The following PREX1 variants were observed in gnomAD, a reference collection of about 807,000 sequenced individuals.
The protein encoded by PREX1 is phosphatidylinositol 3,4,5-trisphosphate-dependent Rac exchanger 1 protein.
Under a neutral mutation model 198.3 loss-of-function variants are expected in PREX1, and 41 were observed. That is an observed-to-expected ratio of 0.21 (90% confidence interval 0.16 to 0.27). PREX1 has a LOEUF of 0.27. Ranked by LOEUF, PREX1 falls within the 10% of genes least tolerant of loss-of-function variation. The pLI, the probability that PREX1 is intolerant of heterozygous loss-of-function variation, is 1.00. For missense variants in PREX1, 1,620 were observed against 2,200.7 expected (o/e 0.74, Z 5.28); for synonymous variants, 843 against 887.2 (o/e 0.95, Z 0.89).
At chr20:48,729,595 T>G (rs1435543164) in intron 4 of PREX1, among the ~76,000 whole-genome samples, 1 of 152,222 alleles carries the variant, frequency 6.6e-6, no homozygotes, top group African/African-American at 2.4e-5. Context: ...ATTCTTCCAG[T>G]TGCTTGGGCC....
chr20:48,673,776 G>A (rs553752702), intron 14 of PREX1, among the ~76,000 whole-genome samples: 4 of 152,322 alleles, frequency 2.6e-5, no homozygotes, highest in Admixed American at 2.6e-4. Flanking sequence ...TATATTGCAT[G>A]TAATCTTGGG....
intron 14 of PREX1, among the ~76,000 whole-genome samples, chr20:48,669,789 G>A (rs1216564704): frequency 6.6e-6 from 1 of 152,182 alleles, no homozygotes; most frequent in East Asian, 1.9e-4. Context: ...AATGTTAGCT[G>A]TTCCTGATTA....
At chr20:48,748,734 CAG>C (rs1159175940) in intron 1 of PREX1, among the ~76,000 whole-genome samples, 7 of 152,166 alleles carry the variant, frequency 4.6e-5, no homozygotes, top group African/African-American at 1.7e-4. Context: ...GCAGGAGTGA[CAG>C]GGGCTGCGGG....
rs149730182 is a variant in PREX1 at position 48,711,010 on chromosome 20, G to A, written c.622-2589C>T. Among the ~76,000 whole-genome samples the A allele has an allele frequency of 6.7e-3, 1,024 of 152,358 alleles. 17 individuals carry two copies. Among genetic ancestry groups the A allele is most frequent in the African/African-American group, 0.023 (970 of 41,576 alleles). Reference sequence around the variant, plus strand: ...CCATGGGGAGGTGATGGGGGTATGAGCAGAGGCCTGACACCACCTTCTCAC... The same window carrying A: ...CCATGGGGAGGTGATGGGGGTATGAACAGAGGCCTGACACCACCTTCTCAC... On this transcript the variant is annotated intron_variant, in intron 5 of 39. Coordinates refer to ENST00000371941, the MANE Select transcript of PREX1 (RefSeq NM_020820.4).
intron 1 of PREX1, among the ~76,000 whole-genome samples, chr20:48,794,881 G>A (rs937135768): frequency 2.0e-5 from 3 of 152,300 alleles, no homozygotes; most frequent in Non-Finnish European, 2.9e-5. Flanking sequence ...GCACAGAAGC[G>A]AGCCACTGCA....
rs1016950677 is a variant in PREX1 at position 48,684,129 on chromosome 20, C to A, written c.1335-2794G>T. Among the ~76,000 whole-genome samples the A allele has an allele frequency of 1.4e-5, 2 of 143,678 alleles. No individual in the cohort carries two copies. Among genetic ancestry groups the A allele is most frequent in the Non-Finnish European group, 3.2e-5 (2 of 62,202 alleles). 94.3% of individuals were successfully genotyped at this position (143,678 alleles called of 152,430 possible). On this transcript the variant is annotated intron_variant, in intron 10 of 39. Transcript: ENST00000371941. The surrounding 1 kb of genome is among the most constrained non-coding windows in gnomAD (Gnocchi z 4.2). ...GATGTGTCAGCTTTCATCCCTCCTT[C>A]CTTCCCGCCTCCTAGAATCATTCAC...
chr20:48,668,889 G>A (rs949111741), intron 14 of PREX1, among the ~76,000 whole-genome samples: 2 of 152,104 alleles, frequency 1.3e-5, no homozygotes, highest in South Asian at 2.1e-4. Flanking sequence ...TGGGAGGCCC[G>A]GCAGGCAGCT....
chr20:48,647,888 C>T (rs1275482583), intron 25 of PREX1, among the ~76,000 whole-genome samples: 1 of 152,152 alleles, frequency 6.6e-6, no homozygotes, highest in East Asian at 1.9e-4. Flanking sequence ...TGATCCCCAT[C>T]ACTTTTTATT....
intron 14 of PREX1, among the ~76,000 whole-genome samples, chr20:48,673,137 G>A (rs12480665): frequency 0.044 from 6,665 of 152,276 alleles, 243 homozygotes; most frequent in South Asian, 0.1. Flanking sequence ...ACTCTGCAGT[G>A]GGGGCTGCCT....
At chr20:48,704,740 G>T (rs1214818954) in intron 6 of PREX1, among the ~76,000 whole-genome samples, 1 of 152,296 alleles carries the variant, frequency 6.6e-6, no homozygotes, top group South Asian at 2.1e-4. Context: ...ATGTTTAATA[G>T]AGAAGGGGTT....
Position 48,727,234 on chromosome 20 carries a change from C to T in PREX1, c.520-843G>A, listed in dbSNP as rs548795456. ...TAGTTCTTTAGCTGGGAGGAGTGTA[C>T]GTGATTCTGTCATATGCATACCTCT... On this transcript the variant is annotated intron_variant, in intron 4 of 39. Coordinates refer to ENST00000371941, the MANE Select transcript of PREX1 (RefSeq NM_020820.4). Among the ~76,000 whole-genome samples the T allele has an allele frequency of 4.5e-4, 69 of 152,128 alleles. 1 individual carries two copies. Among genetic ancestry groups the T allele is most frequent in the African/African-American group, 1.6e-3 (67 of 41,486 alleles).
At position 48,644,505 on chromosome 20, in the gene PREX1, G is replaced by A. The variant is rs748904454; in HGVS notation, c.3513-8C>T. On this transcript the variant is annotated splice_polypyrimidine_tract_variant and splice_region_variant and intron_variant, in intron 26 of 39. Coordinates refer to ENST00000371941, the MANE Select transcript of PREX1 (RefSeq NM_020820.4). Reference sequence around the variant, plus strand: ...CGATTGCTGTTACACTCGCTGCAAAGGGGCCCAGAGAAGGGGCTGAGTCAC... The same window carrying A: ...CGATTGCTGTTACACTCGCTGCAAAAGGGCCCAGAGAAGGGGCTGAGTCAC... The A allele has an allele frequency of 5.0e-6, 8 of 1,612,044 alleles. No individual in the cohort carries two copies. Among genetic ancestry groups the A allele is most frequent in the East Asian group, 4.5e-5 (2 of 44,776 alleles).
rs374324026 is a variant in PREX1 at position 48,651,507 on chromosome 20, G to A, written c.2544C>T (p.Asn848=). The change falls in exon 22 of 40, where the codon AAC becomes AAT. Residue 848 remains asparagine, a synonymous_variant. Transcript: ENST00000371941. ...DSPMVTLTVD[N]VHLEHGVVYE... ...ACACCACGCCGTGTTCCAGGTGCAC[G>A]TTGTCCACAGTCAGGGTGACCATGG... 2.1e-5 allele frequency: 34 copies of A among 1,614,242 alleles called. No individual in the cohort carries two copies. Among genetic ancestry groups the A allele is most frequent in the East Asian group, 1.3e-4 (6 of 44,888 alleles).
the PREX1 span, among the ~76,000 whole-genome samples, chr20:48,855,852 G>C: frequency 2.0e-5 from 3 of 152,218 alleles, no homozygotes; most frequent in Non-Finnish European, 4.4e-5. Flanking sequence ...AGTGAGCCAA[G>C]ATCATACCAC....
intron 33 of PREX1, among the ~76,000 whole-genome samples, chr20:48,633,370 A>G (rs1482927691): frequency 6.6e-6 from 1 of 152,280 alleles, no homozygotes; most frequent in Non-Finnish European, 1.5e-5. Flanking sequence ...ACAGATGCAC[A>G]GATAAACAGA....
rs57506374 is a variant in PREX1 at position 48,746,941 on chromosome 20, A to AACAC, written c.291+864_291+867dup. ...CATAGAGTTTAGATCCCAGTGCATG[A>AACAC]ACACACACACACACACACACACACA... On this transcript the variant is annotated intron_variant, in intron 2 of 39. Coordinates refer to ENST00000371941, the MANE Select transcript of PREX1 (RefSeq NM_020820.4). Among the ~76,000 whole-genome samples, 16 of 117,740 alleles carry AACAC rather than the reference A, an allele frequency of 1.4e-4. No homozygotes were observed. In the East Asian group the frequency reaches 1.4e-3, roughly 10 times the overall value. 77.2% of individuals were successfully genotyped at this position (117,740 alleles called of 152,430 possible). A position where few individuals can be genotyped will look rare whatever the true frequency, so the allele number is the denominator to read the frequency against.
At chr20:48,801,794 T>C (rs2099463239) in intron 1 of PREX1, among the ~76,000 whole-genome samples, 2 of 152,202 alleles carry the variant, frequency 1.3e-5, no homozygotes, top group South Asian at 2.1e-4. Flanking sequence ...TGGGAGGTGT[T>C]TGAGTCATGG....
At chr20:48,705,552 T>C (rs1006778828) in intron 6 of PREX1, among the ~76,000 whole-genome samples, 3 of 152,180 alleles carry the variant, frequency 2.0e-5, no homozygotes, top group Admixed American at 6.5e-5. Flanking sequence ...CAAAAGAATA[T>C]GTCAAATAAA....
rs185861412 is a variant in PREX1 at position 48,651,360 on chromosome 20, C to T, written c.2655+36G>A. ...ATAAGAGAAACTGGCTTCAATCCCC[C>T]AGGGTAGGGCAGGGCCAGGCAGTGC... On this transcript the variant is annotated intron_variant, in intron 22 of 39. Coordinates refer to ENST00000371941, the MANE Select transcript of PREX1 (RefSeq NM_020820.4). 1.6e-4 allele frequency: 249 copies of T among 1,552,808 alleles called. No individual in the cohort carries two copies. The East Asian group carries it at 2.8e-3, about 17-fold the overall frequency.
Sources: gnomAD v4.1 joint callset for allele counts (sites outside exome capture counted in the v4.1 genomes callset) on GRCh38, gnomAD v4.1.1 for gene constraint, Gnocchi (gnomAD v3.1) non-coding constraint, MANE v1.5 for transcripts, NCBI Gene and HGNC (gene_info 2026-07-23, HGNC 2026-07-21) for gene names.